BIRC2: variants seen among roughly 807,000 people sequenced by gnomAD.
BIRC2 encodes baculoviral IAP repeat containing 2.
BIRC2 carries 18 observed loss-of-function variants against 60.9 expected under a neutral mutation model. The observed-to-expected ratio is 0.30, with a 90% CI of 0.20 to 0.44. The LOEUF is 0.44. Ranked by LOEUF, BIRC2 falls within the 20% of genes least tolerant of loss-of-function variation. The pLI is 1.00. For missense variants in BIRC2, 701 were observed against 728.5 expected, an observed-to-expected ratio of 0.96 and a Z score of 0.43; for synonymous variants, 282 against 247.7, an observed-to-expected ratio of 1.14 and a Z score of -1.30.
intron 7 of BIRC2, 34 bp from the exon 8 acceptor site, chr11:102,377,823 G>T (rs1951732410): frequency 6.3e-7 from 1 of 1,597,134 alleles, no homozygotes; most frequent in Non-Finnish European, 8.5e-7. Flanking sequence ...TTTGTATTTA[G>T]TAGAGTAATG....
At chr11:102,354,636 AT>A (rs1484307333) in intron 3 of BIRC2, among the ~76,000 whole-genome samples, 1 of 152,224 alleles carries the variant, frequency 6.6e-6, no homozygotes, top group African/African-American at 2.4e-5. Context: ...GCTAGATCAT[AT>A]GCTAATTCTA....
intron 3 of BIRC2, among the ~76,000 whole-genome samples, chr11:102,355,216 T>G (rs955909901): frequency 6.6e-6 from 1 of 152,168 alleles, no homozygotes; most frequent in African/African-American, 2.4e-5. Flanking sequence ...CTACGTTTTC[T>G]TTAAGGAATT....
chr11:102,347,452 T>A (rs1412867540), intron 1 of BIRC2, 76 bp downstream of exon 1: 1 of 20,824 alleles, frequency 4.8e-5, no homozygotes. Context: ...CCCACTTCCC[T>A]GATGTGGCGG....
At position 102,359,951 on chromosome 11, in the gene BIRC2, C is replaced by T. The variant is rs371886199; in HGVS notation, c.996-2945C>T. Reference sequence around the variant, plus strand: ...TTCTCTCTTTTCCTTCTTGAATTCTCGGGTTTGTTTTTCATTTTCTTGGGT... The same window carrying T: ...TTCTCTCTTTTCCTTCTTGAATTCTTGGGTTTGTTTTTCATTTTCTTGGGT... On this transcript the variant is annotated intron_variant, in intron 3 of 8. Transcript: ENST00000227758. Among the ~76,000 whole-genome samples, 61 of 149,682 alleles carry T rather than the reference C, an allele frequency of 4.1e-4. No individual in the cohort carries two copies. The East Asian group carries it at 8.0e-3, about 20-fold the overall frequency.
intron 6 of BIRC2, among the ~76,000 whole-genome samples, chr11:102,372,487 T>C (rs1258610549): frequency 6.6e-6 from 1 of 152,038 alleles, no homozygotes; most frequent in Non-Finnish European, 1.5e-5. Context: ...TTTTGAGTGT[T>C]TCTTAATCCT....
At chr11:102,357,517 C>G (rs1024701681) in intron 3 of BIRC2, among the ~76,000 whole-genome samples, 2 of 151,998 alleles carry the variant, frequency 1.3e-5, no homozygotes, top group African/African-American at 4.8e-5. Flanking sequence ...TTATTTTAGT[C>G]TTGATAAATT....
intron 8 of BIRC2, 38 bp downstream of exon 8, chr11:102,377,936 C>CTT: frequency 6.5e-7 from 1 of 1,531,560 alleles, no homozygotes; most frequent in Non-Finnish European, 8.9e-7. Context: ...AACTATTACC[C>CTT]TTTTTTTTTA....
intron 5 of BIRC2, among the ~76,000 whole-genome samples, chr11:102,364,150 TATATATATATATATATATATATATACAC>T (rs1478521926): frequency 2.7e-4 from 18 of 66,146 alleles, no homozygotes; most frequent in African/African-American, 7.2e-4. Flanking sequence ...TATATATATA[TATATATATATATATATATATATATACAC>T]ACACACACAG....
intron 5 of BIRC2, among the ~76,000 whole-genome samples, chr11:102,364,715 G>T (rs745379014): frequency 1.3e-5 from 2 of 152,204 alleles, no homozygotes; most frequent in East Asian, 3.8e-4. Context: ...TGACCAAGAT[G>T]TATGAGTCTT....
Position 102,378,257 on chromosome 11 carries a change from G to C in BIRC2, c.*74G>C. On this transcript the variant is annotated 3_prime_UTR_variant, in exon 9 of 9. Coordinates refer to ENST00000227758, the MANE Select transcript of BIRC2 (RefSeq NM_001166.5). Reference sequence around the variant, plus strand: ...TGTTGAACACTTGAAGCCATCTAAAGTAAAAAGGGAATTATGAGTTTTTCA... The same window carrying C: ...TGTTGAACACTTGAAGCCATCTAAACTAAAAAGGGAATTATGAGTTTTTCA... 2.5e-6 allele frequency: 3 copies of C among 1,177,464 alleles called. No homozygotes were observed. Among genetic ancestry groups the C allele is most frequent in the African/African-American group, 1.6e-5 (1 of 63,398 alleles). The allele number at this position is 1,177,464 out of a possible 1,614,324, so 72.9% of individuals were successfully genotyped here.
intron 6 of BIRC2, among the ~76,000 whole-genome samples, chr11:102,376,010 G>A (rs1337915172): frequency 2.0e-5 from 3 of 151,672 alleles, no homozygotes; most frequent in African/African-American, 7.3e-5. Context: ...AAGTGGGAGG[G>A]ACTTGGTGAA....
rs1432550497 is a variant in BIRC2, at chr11:102,368,563, T to C, written c.1366+15T>C. The C allele has an allele frequency of 1.9e-6, 3 of 1,610,900 alleles. No homozygotes were observed. The highest frequency in any genetic ancestry group is 2.5e-6 in the Non-Finnish European group (3 of 1,178,554). On this transcript the variant is annotated intron_variant, in intron 6 of 8. Transcript: ENST00000227758. ...AATGGCATCAGGTATTTGGGGATGT[T>C]AGTCACCTGCATTGTTTCTCAGTGG...
intron 5 of BIRC2, among the ~76,000 whole-genome samples, chr11:102,366,736 T>C (rs1254960521): frequency 2.0e-5 from 3 of 152,166 alleles, no homozygotes; most frequent in Non-Finnish European, 4.4e-5. Flanking sequence ...GTCTTCCTGA[T>C]TCTGGTTTAC....
intron 6 of BIRC2, among the ~76,000 whole-genome samples, chr11:102,376,260 A>G (rs952606107): frequency 6.6e-6 from 1 of 152,212 alleles, no homozygotes; most frequent in African/African-American, 2.4e-5. Context: ...ACTGCTACCT[A>G]GATTAGAATA....
At chr11:102,376,708 T>G (rs1951718713) in intron 6 of BIRC2, among the ~76,000 whole-genome samples, 1 of 152,172 alleles carries the variant, frequency 6.6e-6, no homozygotes, top group South Asian at 2.1e-4. Context: ...CTTAGGTAGT[T>G]TTTTTTAATT....
At chr11:102,348,033 G>A (rs1165822741) in intron 1 of BIRC2, among the ~76,000 whole-genome samples, 1 of 152,196 alleles carries the variant, frequency 6.6e-6, no homozygotes, top group Non-Finnish European at 1.5e-5. Flanking sequence ...TGTTTCACAG[G>A]CCACTGTGTT....
intron 3 of BIRC2, among the ~76,000 whole-genome samples, chr11:102,356,237 C>T (rs898291342): frequency 6.7e-6 from 1 of 150,078 alleles, no homozygotes; most frequent in Non-Finnish European, 1.5e-5. Context: ...GCTCTGTTGC[C>T]CAGGCTAGAA....
In BIRC2 at chr11:102,347,992, A is replaced by T. The variant is rs540151235; in HGVS notation, c.-1257-606A>T. On this transcript the variant is annotated intron_variant, in intron 1 of 8. Coordinates refer to ENST00000227758, the MANE Select transcript of BIRC2 (RefSeq NM_001166.5). The stretch of plus-strand genomic sequence containing the variant: ...TATAAGACCGGGTGTAATTAAAGCA[A>T]TCATGCCAGTGGTCGTAGTGCCGGA... The T allele has an allele frequency of 2.6e-5, 4 of 152,320 alleles. No individual in the cohort carries two copies. In the South Asian group the frequency reaches 8.3e-4, roughly 32 times the overall value. 9.4% of individuals were successfully genotyped at this position (152,320 alleles called of 1,614,324 possible).
At position 102,349,099 on chromosome 11, in the gene BIRC2, A is replaced by G. The variant is rs898906908; in HGVS notation, c.-756A>G. 6.6e-6 allele frequency: 1 copy of G among 152,624 alleles called. No individual in the cohort carries two copies. The highest frequency in any genetic ancestry group is 1.5e-5 in the Non-Finnish European group (1 of 68,278). The allele number at this position is 152,624 out of a possible 1,614,324, so 9.5% of individuals were successfully genotyped here. A position where few individuals can be genotyped will look rare whatever the true frequency, so the allele number is the denominator to read the frequency against. ...GCTGCAGGAAATGGAAACAAATACA[A>G]ATGATATTTAACAAAGATAGAGTTT... On this transcript the variant is annotated 5_prime_UTR_variant, in exon 2 of 9. Coordinates refer to ENST00000227758, the MANE Select transcript of BIRC2 (RefSeq NM_001166.5).
Sources: allele counts gnomAD v4.1 joint callset (sites outside exome capture counted in the v4.1 genomes callset), GRCh38; gene constraint gnomAD v4.1.1; transcripts MANE v1.5; gene names NCBI Gene and HGNC (gene_info 2026-07-23, HGNC 2026-07-21).